The following MYT1L variants were observed in gnomAD, a reference collection of about 807,000 sequenced individuals.
The protein encoded by MYT1L is myelin transcription factor 1 like.
Under a neutral mutation model 126.7 loss-of-function variants are expected in MYT1L, and 12 were observed. The observed-to-expected ratio is 0.09, with a 90% CI of 0.06 to 0.15. MYT1L has a LOEUF of 0.15. Ranked by LOEUF, MYT1L falls within the 10% of genes least tolerant of loss-of-function variation. The pLI is 1.00. For synonymous variants in MYT1L, 541 were observed against 604.2 expected, an observed-to-expected ratio of 0.90 and a Z score of 1.53; for missense variants, 979 against 1,585.2, an observed-to-expected ratio of 0.62 and a Z score of 6.49.
chr2:1,856,943 A>G (rs6758944), intron 18 of MYT1L, among the ~76,000 whole-genome samples: 111,185 of 151,850 alleles, frequency 0.73, 40,860 homozygotes, highest in Middle Eastern at 0.87. Context: ...AAGCTGCCAC[A>G]TGCTTTTGTT....
At chr2:2,063,081 A>G (rs775369385) in intron 3 of MYT1L, among the ~76,000 whole-genome samples, 9 of 152,156 alleles carry the variant, frequency 5.9e-5, no homozygotes, top group Non-Finnish European at 1.0e-4. Context: ...GATTTCCTTT[A>G]TCTTCTCACC....
chr2:2,110,358 A>T (rs1321829248), intron 3 of MYT1L, among the ~76,000 whole-genome samples: 3 of 152,106 alleles, frequency 2.0e-5, no homozygotes. Context: ...GGAAATCTAA[A>T]ACCACAGAAG....
chr2:1,894,626 AT>A (rs1487247031), intron 14 of MYT1L, among the ~76,000 whole-genome samples: 1 of 151,940 alleles, frequency 6.6e-6, no homozygotes, highest in Non-Finnish European at 1.5e-5. Context: ...ATTAAAAAAA[AT>A]AACACTTTTG....
chr2:2,282,423 T>C (rs2095460745), intron 2 of MYT1L, among the ~76,000 whole-genome samples: 1 of 152,234 alleles, frequency 6.6e-6, no homozygotes, highest in African/African-American at 2.4e-5. Flanking sequence ...GACACTGCTA[T>C]GTGTAATGGC....
At position 1,922,895 on chromosome 2, in the gene MYT1L, G is replaced by C; in HGVS notation, c.874C>G (p.Gln292Glu). The C allele has an allele frequency of 6.2e-7, 1 of 1,613,968 alleles. No homozygotes were observed. The highest frequency in any genetic ancestry group is 8.5e-7 in the Non-Finnish European group (1 of 1,179,892). The change falls in exon 10 of 25, where the codon CAA (glutamine) becomes GAA (glutamate). Residue 292 changes from glutamine to glutamate, a missense_variant. Gln to Glu is a conservative substitution (Grantham distance 29). Coordinates refer to ENST00000647738, the MANE Select transcript of MYT1L (RefSeq NM_001303052.2). This position sits in a 1 kb window ranked among gnomAD's most constrained non-coding sequence, Gnocchi z 7.4. ...ACGTAATTCATATTTCTACTGTCTT[G>C]CTGCGACATGCTGTCTGCATAATTT... ...DRNYADSMSQ[Q>E]DSRNMNYVML... is the part of the protein sequence containing the mutation.
intron 2 of MYT1L, among the ~76,000 whole-genome samples, chr2:2,208,953 T>C (rs1283207590): frequency 9.3e-6 from 1 of 107,442 alleles, no homozygotes; most frequent in Admixed American, 8.7e-5. Context: ...TTTCCATCAT[T>C]TTTCAAATGT....
intron 3 of MYT1L, among the ~76,000 whole-genome samples, chr2:2,062,073 G>C (rs2070591565): frequency 6.6e-6 from 1 of 152,186 alleles, no homozygotes; most frequent in African/African-American, 2.4e-5. Context: ...AGGGGAACAG[G>C]GAGGTGCACT....
At chr2:2,145,734 T>A (rs905386379) in intron 3 of MYT1L, among the ~76,000 whole-genome samples, 2 of 152,078 alleles carry the variant, frequency 1.3e-5, no homozygotes, top group African/African-American at 2.4e-5. Context: ...AGCAGACTTT[T>A]AAAAAAATTA....
chr2:2,174,569 C>T (rs2090488801), intron 2 of MYT1L, among the ~76,000 whole-genome samples: 2 of 150,620 alleles, frequency 1.3e-5, no homozygotes, highest in South Asian at 4.1e-4. Context: ...TGGAGACTCC[C>T]TCCCAGACAA....
At chr2:1,901,129 G>A (rs1043917876) in intron 14 of MYT1L, among the ~76,000 whole-genome samples, 17 of 152,194 alleles carry the variant, frequency 1.1e-4, no homozygotes, top group Admixed American at 7.2e-4. Context: ...ATTTGACTTC[G>A]GGTGCCCTAA....
At chr2:1,860,789 C>T (rs1016325975) in intron 18 of MYT1L, among the ~76,000 whole-genome samples, 5 of 152,056 alleles carry the variant, frequency 3.3e-5, no homozygotes, top group Admixed American at 3.3e-4. Context: ...GGGTAAGGAA[C>T]CCGCTGTGGG....
chr2:2,217,824 T>C (rs1473945080), intron 2 of MYT1L, among the ~76,000 whole-genome samples: 2 of 151,470 alleles, frequency 1.3e-5, no homozygotes, highest in East Asian at 1.9e-4. Context: ...GTAAATCACA[T>C]AAAGAGCTTG....
intron 3 of MYT1L, among the ~76,000 whole-genome samples, chr2:2,054,716 T>C (rs1310398034): frequency 6.9e-6 from 1 of 145,140 alleles, no homozygotes. Context: ...TATGATGAGA[T>C]GTATGGAGAT....
At chr2:2,304,129 CAA>C (rs1250457625) in intron 1 of MYT1L, 6 of 152,186 alleles carry the variant, frequency 3.9e-5, no homozygotes, top group Admixed American at 3.3e-4. Context: ...AAAATATTAA[CAA>C]ATTCACTATT....
intron 21 of MYT1L, among the ~76,000 whole-genome samples, chr2:1,837,260 G>A (rs924573222): frequency 1.3e-5 from 2 of 152,218 alleles, no homozygotes; most frequent in African/African-American, 4.8e-5. Context: ...GAAAGCTAAA[G>A]CACCAGGCTC....
intron 3 of MYT1L, among the ~76,000 whole-genome samples, chr2:2,058,888 C>T (rs976066519): frequency 6.6e-6 from 1 of 152,088 alleles, no homozygotes; most frequent in African/African-American, 2.4e-5. Context: ...TATGTTTCTG[C>T]CCAGGATTCC....
chr2:1,962,334 G>A (rs962618868), intron 8 of MYT1L, among the ~76,000 whole-genome samples: 2 of 152,186 alleles, frequency 1.3e-5, no homozygotes, highest in African/African-American at 4.8e-5. Context: ...ATGTGAAATA[G>A]TGTTATGTCT....
intron 13 of MYT1L, among the ~76,000 whole-genome samples, chr2:1,908,745 G>T (rs1032685665): frequency 6.6e-6 from 1 of 152,260 alleles, no homozygotes; most frequent in African/African-American, 2.4e-5. Flanking sequence ...CCTATGAGTT[G>T]TTCAGTGTTT....
rs548730681 is a variant in MYT1L at position 1,848,293 on chromosome 2, C to T, written c.2774+3348G>A. 9.9e-5 allele frequency among the ~76,000 whole-genome samples: 5 copies of T among 50,568 alleles called. No individual in the cohort carries two copies. The highest frequency in any genetic ancestry group is 6.9e-4 in the African/African-American group (5 of 7,280). The allele number at this position is 50,568 out of a possible 152,430, so 33.2% of individuals were successfully genotyped here. A position where few individuals can be genotyped will look rare whatever the true frequency, so the allele number is the denominator to read the frequency against. ...GAATTCTACAGACACCACGGAAGCGCGAGGCATTTGTCCTGGGAGCAGGAG... is the reference window on the plus strand; with the variant it reads ...GAATTCTACAGACACCACGGAAGCGTGAGGCATTTGTCCTGGGAGCAGGAG... On this transcript the variant is annotated intron_variant, in intron 19 of 24. Transcript: ENST00000647738. The surrounding 1 kb of genome is among the most constrained non-coding windows in gnomAD (Gnocchi z 4.8).
Sources: allele counts gnomAD v4.1 joint callset (sites outside exome capture counted in the v4.1 genomes callset), GRCh38; gene constraint gnomAD v4.1.1; non-coding constraint Gnocchi (gnomAD v3.1); transcripts MANE v1.5; gene names NCBI Gene and HGNC (gene_info 2026-07-23, HGNC 2026-07-21).